Variants in EYS observed in about 807,000 individuals in gnomAD.
EYS encodes the protein protein eyes shut homolog.
Under a neutral mutation model 282.1 loss-of-function variants are expected in EYS, and 250 were observed. That is an observed-to-expected ratio of 0.89 (90% CI 0.80 to 0.98). The LOEUF (loss-of-function observed/expected upper bound fraction) is 0.98. Ranked by LOEUF, EYS falls within the 50% of genes least tolerant of loss-of-function variation. EYS has a pLI of 0.00. For missense variants in EYS, 4,016 were observed against 3,709.0 expected, an observed-to-expected ratio of 1.08 and a Z score of -2.15; for synonymous variants, 1,355 against 1,282.9, an observed-to-expected ratio of 1.06 and a Z score of -1.20.
intron 2 of EYS, among the ~76,000 whole-genome samples, chr6:65,607,096 T>C (rs1765826683): frequency 6.6e-6 from 1 of 151,772 alleles, no homozygotes; most frequent in Non-Finnish European, 1.5e-5. Context: ...TAATTTCTTG[T>C]GAAACTTTTG....
chr6:65,530,284 T>C (rs578214929), intron 2 of EYS, among the ~76,000 whole-genome samples: 1 of 152,178 alleles, frequency 6.6e-6, no homozygotes, highest in African/African-American at 2.4e-5. Context: ...TATCAAACTC[T>C]AAATTCACAT....
At chr6:64,985,625 ATTTC>A (rs1270635347) in intron 14 of EYS, among the ~76,000 whole-genome samples, 1 of 151,530 alleles carries the variant, frequency 6.6e-6, no homozygotes, top group Non-Finnish European at 1.5e-5. Context: ...GAAAAAATAA[ATTTC>A]TTTAAAATAA....
At chr6:64,751,319 C>T (rs1388932541) in intron 22 of EYS, among the ~76,000 whole-genome samples, 1 of 152,204 alleles carries the variant, frequency 6.6e-6, no homozygotes, top group Non-Finnish European at 1.5e-5. Flanking sequence ...TCTCTCCAGG[C>T]ATTTGAAGCA....
intron 33 of EYS, among the ~76,000 whole-genome samples, chr6:64,019,852 A>ATATATATATACTTATATATATAAG (rs1562154597): frequency 2.1e-5 from 1 of 46,828 alleles, no homozygotes; most frequent in African/African-American, 1.7e-4. Context: ...ATATATAAGT[A>ATATATATATACTTATATATATAAG]TATATATATA....
chr6:64,293,585 T>C (rs922629208), intron 30 of EYS, among the ~76,000 whole-genome samples: 33 of 152,086 alleles, frequency 2.2e-4, no homozygotes, highest in Admixed American at 1.4e-3. Flanking sequence ...TTTGAGAATG[T>C]GTAATAAAGG....
intron 41 of EYS, among the ~76,000 whole-genome samples, chr6:63,745,288 A>G (rs1416216699): frequency 1.3e-5 from 2 of 152,224 alleles, no homozygotes; most frequent in African/African-American, 4.8e-5. Flanking sequence ...ATAAATCACC[A>G]TTATTGCCAC....
At chr6:64,474,829 T>G (rs1373472253) in intron 26 of EYS, among the ~76,000 whole-genome samples, 3 of 152,194 alleles carry the variant, frequency 2.0e-5, no homozygotes, top group Non-Finnish European at 4.4e-5. Flanking sequence ...AACTTCAGTT[T>G]TCCTCAACTA....
In EYS at chr6:64,676,859, C is replaced by A. The variant is rs187027210; in HGVS notation, c.3444-50614G>T. Among the ~76,000 whole-genome samples the A allele has an allele frequency of 2.6e-5, 4 of 152,234 alleles. No individual in the cohort carries two copies. The East Asian group carries it at 7.7e-4, about 29-fold the overall frequency. ...TTTCATGAGGGCTCTGCTCTCAAGA[C>A]CTAATCATCTCCGAAAGGTCCCACC... On this transcript the variant is annotated intron_variant, in intron 22 of 42. Transcript: ENST00000503581.
intron 33 of EYS, among the ~76,000 whole-genome samples, chr6:64,049,208 C>T (rs1427999426): frequency 2.0e-5 from 3 of 152,118 alleles, no homozygotes; most frequent in Non-Finnish European, 4.4e-5. Context: ...AAAGGGATTT[C>T]ACAGTGTAAA....
At chr6:64,928,037 A>G (rs1178632695) in intron 15 of EYS, among the ~76,000 whole-genome samples, 1 of 152,082 alleles carries the variant, frequency 6.6e-6, no homozygotes, top group Non-Finnish European at 1.5e-5. Context: ...AGTGGTAGTT[A>G]CACAAGTAAG....
chr6:65,305,524 T>C (rs1452489681), intron 11 of EYS, among the ~76,000 whole-genome samples: 9 of 152,188 alleles, frequency 5.9e-5, no homozygotes, highest in Admixed American at 5.9e-4. Context: ...AATGTGGGCA[T>C]AACTCTTTGG....
At chr6:64,717,283 C>T (rs554702103) in intron 22 of EYS, among the ~76,000 whole-genome samples, 5 of 152,246 alleles carry the variant, frequency 3.3e-5, no homozygotes, top group East Asian at 1.9e-4. Context: ...AAGCAATTGA[C>T]GTATTATGGT....
intron 30 of EYS, among the ~76,000 whole-genome samples, chr6:64,285,937 G>A (rs992376185): frequency 6.6e-6 from 1 of 152,162 alleles, no homozygotes; most frequent in Admixed American, 6.6e-5. Context: ...TTCAAGATGA[G>A]ATTTGGGTGG....
chr6:64,671,777 T>A (rs1188497607), intron 22 of EYS, among the ~76,000 whole-genome samples: 3 of 152,132 alleles, frequency 2.0e-5, no homozygotes, highest in African/African-American at 7.2e-5. Context: ...ACTCAGTGCA[T>A]AAGAATATGG....
intron 26 of EYS, among the ~76,000 whole-genome samples, chr6:64,444,071 G>A (rs1775041132): frequency 6.6e-6 from 1 of 151,744 alleles, no homozygotes; most frequent in Non-Finnish European, 1.5e-5. Flanking sequence ...ATTCCACCAT[G>A]ACAATGCTCC....
chr6:64,824,587 T>C (rs1054943365), intron 19 of EYS, among the ~76,000 whole-genome samples: 2 of 151,896 alleles, frequency 1.3e-5, no homozygotes, highest in Non-Finnish European at 2.9e-5. Flanking sequence ...TCCGTATCAC[T>C]ATGTAGAATG....
At chr6:63,814,636 G>C (rs1476300902) in intron 36 of EYS, among the ~76,000 whole-genome samples, 1 of 152,168 alleles carries the variant, frequency 6.6e-6, no homozygotes, top group Admixed American at 6.5e-5. Context: ...AGAATCTGAA[G>C]CATTCTTTTT....
chr6:64,085,306 C>A (rs1272960779), intron 31 of EYS, among the ~76,000 whole-genome samples: 5 of 142,164 alleles, frequency 3.5e-5, no homozygotes, highest in Non-Finnish European at 7.6e-5. Flanking sequence ...CCCTCCTTCT[C>A]CTTCCAGACG....
chr6:64,486,388 G>T (rs1455830077), intron 26 of EYS, among the ~76,000 whole-genome samples: 2 of 151,404 alleles, frequency 1.3e-5, no homozygotes, highest in Non-Finnish European at 3.0e-5. Context: ...CAGCTATGAT[G>T]CACCAACAAA....
Sources: gnomAD v4.1 joint callset for allele counts (sites outside exome capture counted in the v4.1 genomes callset) on GRCh38, gnomAD v4.1.1 for gene constraint, MANE v1.5 for transcripts, NCBI Gene and HGNC (gene_info 2026-07-23, HGNC 2026-07-21) for gene names.